Variants in DLGAP2 observed in about 807,000 individuals in gnomAD.
DLGAP2 encodes the protein disks large-associated protein 2.
DLGAP2 carries 26 observed loss-of-function variants against 100.3 expected under a neutral mutation model. The ratio of observed to expected loss-of-function variants is 0.26; its 90% CI spans 0.19 to 0.36. DLGAP2 has a LOEUF of 0.36. Among genes scored for constraint, DLGAP2 ranks in the 10% least tolerant of loss-of-function variants. The probability of loss-of-function intolerance (pLI) is 1.00; values close to 1 mark genes in which losing one functional copy is unlikely to be tolerated. For synonymous variants in DLGAP2, 886 were observed against 630.1 expected (o/e 1.41, Z -6.08); for missense variants, 1,858 against 1,453.2 (o/e 1.28, Z -4.53).
intron 3 of DLGAP2, among the ~76,000 whole-genome samples, chr8:1,383,573 G>T (rs1282290413): frequency 2.0e-5 from 3 of 152,150 alleles, no homozygotes; most frequent in Admixed American, 2.0e-4. Flanking sequence ...CTTCCTGCCT[G>T]TGTTGTATTT....
At chr8:1,287,155 T>TGC (rs1207752490) in intron 3 of DLGAP2, among the ~76,000 whole-genome samples, 33 of 98,532 alleles carry the variant, frequency 3.3e-4, no homozygotes, top group Admixed American at 5.0e-4. Flanking sequence ...TGTGTGTGTG[T>TGC]GTGCGCGCGC....
intron 2 of DLGAP2, among the ~76,000 whole-genome samples, chr8:994,048 G>T (rs78286001): frequency 1.3e-5 from 2 of 152,072 alleles, no homozygotes; most frequent in African/African-American, 4.8e-5. Flanking sequence ...CCCAGCAGGC[G>T]TTGCGTAGAC....
chr8:1,389,185 G>T (rs1244931757), intron 3 of DLGAP2, among the ~76,000 whole-genome samples: 1 of 152,162 alleles, frequency 6.6e-6, no homozygotes, highest in Non-Finnish European at 1.5e-5. Context: ...ATGACGGGAG[G>T]CACGTGGACC....
At chr8:1,377,200 G>C (rs1187364062) in intron 3 of DLGAP2, among the ~76,000 whole-genome samples, 1 of 152,244 alleles carries the variant, frequency 6.6e-6, no homozygotes, top group Non-Finnish European at 1.5e-5. Context: ...TGCAGCTGTA[G>C]GGTTAGGGCA....
Position 1,565,728 on chromosome 8 carries a change from G to A in DLGAP2, c.1276G>A (p.Glu426Lys). ...WGGYPTGGKD[E>K]EIPCRRMRSG... ...AGGGTACCCCACCGGTGGCAAAGATGAGGAGATTCCCTGCAGGAGAATGAG... is the reference window on the plus strand; with the variant it reads ...AGGGTACCCCACCGGTGGCAAAGATAAGGAGATTCCCTGCAGGAGAATGAG... Residue 426 changes from glutamate to lysine, a missense_variant, in exon 6 of 15, where the codon GAG (glutamate) becomes AAG (lysine). Physicochemically the swap from Glu to Lys is moderately conservative, Grantham distance 56. Transcript: ENST00000637795. The A allele has an allele frequency of 2.5e-6, 4 of 1,613,638 alleles. No individual in the cohort carries two copies. The highest frequency in any genetic ancestry group is 3.4e-6 in the Non-Finnish European group (4 of 1,179,764).
At chr8:1,427,141 A>G (rs999999104) in intron 3 of DLGAP2, among the ~76,000 whole-genome samples, 1 of 152,226 alleles carries the variant, frequency 6.6e-6, no homozygotes, top group South Asian at 2.1e-4. Context: ...CAGGAGCATA[A>G]TAAGTATGAA....
At chr8:1,274,383 A>G (rs1258085572) in intron 3 of DLGAP2, among the ~76,000 whole-genome samples, 1 of 152,106 alleles carries the variant, frequency 6.6e-6, no homozygotes, top group Admixed American at 6.5e-5. Context: ...AAATAAGCCA[A>G]CATGTATAAG....
chr8:1,505,273 A>C (rs4875867), intron 4 of DLGAP2, among the ~76,000 whole-genome samples: 104,112 of 152,076 alleles, frequency 0.68, 36,847 homozygotes, highest in Middle Eastern at 0.79. Flanking sequence ...ATTATAGTGA[A>C]TGAGTAACTA....
At chr8:1,287,490 GTGTGT>G (rs1799954715) in intron 3 of DLGAP2, among the ~76,000 whole-genome samples, 5 of 60,822 alleles carry the variant, frequency 8.2e-5, no homozygotes, top group South Asian at 5.0e-4. Flanking sequence ...GTGTGTGTGT[GTGTGT>G]GGTTCTGTTA....
intron 6 of DLGAP2, among the ~76,000 whole-genome samples, chr8:1,622,626 G>A (rs1021937721): frequency 3.9e-5 from 6 of 152,156 alleles, no homozygotes; most frequent in East Asian, 1.9e-4. Flanking sequence ...TTTCCGTCTC[G>A]CCTGTTTGTG....
chr8:1,700,655 G>T (rs1424072959), intron 14 of DLGAP2, among the ~76,000 whole-genome samples: 1 of 152,136 alleles, frequency 6.6e-6, no homozygotes. Flanking sequence ...TATAAATATC[G>T]TCCACGTCAA....
chr8:1,333,315 G>A (rs992495498), intron 3 of DLGAP2, among the ~76,000 whole-genome samples: 9 of 152,172 alleles, frequency 5.9e-5, no homozygotes, highest in Non-Finnish European at 1.2e-4. Flanking sequence ...GACGGGCAGG[G>A]CTGGGGTGTG....
chr8:1,392,334 G>C (rs1172896033), intron 3 of DLGAP2, among the ~76,000 whole-genome samples: 1 of 152,056 alleles, frequency 6.6e-6, no homozygotes. Flanking sequence ...CGAGGTGCAG[G>C]GTTACCCGTT....
chr8:1,007,774 T>C (rs750499692), intron 2 of DLGAP2, among the ~76,000 whole-genome samples: 58 of 152,232 alleles, frequency 3.8e-4, no homozygotes, highest in Non-Finnish European at 8.1e-4. Flanking sequence ...CTGTATTTTA[T>C]GTTGCTGTGA....
intron 8 of DLGAP2, among the ~76,000 whole-genome samples, chr8:1,640,530 C>G (rs923935732): frequency 6.6e-6 from 1 of 152,188 alleles, no homozygotes; most frequent in African/African-American, 2.4e-5. Flanking sequence ...TCATGATCCC[C>G]ATTAGAACGT....
chr8:1,161,965 A>G (rs1796900207), intron 2 of DLGAP2, among the ~76,000 whole-genome samples: 1 of 152,168 alleles, frequency 6.6e-6, no homozygotes, highest in Admixed American at 6.5e-5. Context: ...CGTCAGAGTC[A>G]CCTGAGGGCC....
intron 3 of DLGAP2, among the ~76,000 whole-genome samples, chr8:1,373,231 G>C (rs1802290685): frequency 6.7e-6 from 1 of 150,358 alleles, no homozygotes; most frequent in South Asian, 2.1e-4. Context: ...CTGTGCTGGA[G>C]AAAGCCACGC....
chr8:1,559,981 G>A (rs1012181244), intron 5 of DLGAP2, among the ~76,000 whole-genome samples: 1 of 152,154 alleles, frequency 6.6e-6, no homozygotes, highest in Non-Finnish European at 1.5e-5. Context: ...CCTCCACACT[G>A]GCTTCTCCAC....
chr8:806,055 G>C (rs1441531821), intron 1 of DLGAP2, among the ~76,000 whole-genome samples: 1 of 152,166 alleles, frequency 6.6e-6, no homozygotes, highest in East Asian at 1.9e-4. Context: ...GAGAGTTTTT[G>C]CCAAGATTGT....
Sources: allele counts gnomAD v4.1 joint callset (sites outside exome capture counted in the v4.1 genomes callset), GRCh38; gene constraint gnomAD v4.1.1; transcripts MANE v1.5; gene names NCBI Gene and HGNC (gene_info 2026-07-23, HGNC 2026-07-21).